LCLAT1: variants seen among roughly 807,000 people sequenced by gnomAD.
LCLAT1 encodes the protein 1-AGP acyltransferase 8.
In LCLAT1, 11 loss-of-function variants were observed where a neutral mutation model predicts 30.7. That is an observed-to-expected ratio of 0.36 (90% confidence interval 0.23 to 0.59). LCLAT1 has a LOEUF of 0.59. Ranked by LOEUF, LCLAT1 falls within the 20% of genes least tolerant of loss-of-function variation. The pLI is 0.77. For missense variants in LCLAT1, 402 were observed against 458.6 expected, an observed-to-expected ratio of 0.88 and a Z score of 1.13; for synonymous variants, 155 against 151.3, an observed-to-expected ratio of 1.02 and a Z score of -0.18.
chr2:30,525,516 C>T, intron 1 of LCLAT1, 71 bp from the exon 2 acceptor site: 4 of 1,166,750 alleles, frequency 3.4e-6, no homozygotes, highest in Non-Finnish European at 5.1e-6. Context: ...TTCTATGCTC[C>T]ATCATCCTGA....
intron 5 of LCLAT1, among the ~76,000 whole-genome samples, chr2:30,603,771 G>A (rs1255925064): frequency 6.6e-6 from 1 of 152,094 alleles, no homozygotes. Flanking sequence ...ATCAGAGTAG[G>A]GACATGAAGG....
intron 5 of LCLAT1, among the ~76,000 whole-genome samples, chr2:30,613,504 G>A (rs999386878): frequency 4.6e-5 from 7 of 151,748 alleles, no homozygotes; most frequent in African/African-American, 1.7e-4. Context: ...ACACCTGTGG[G>A]TGTTTCTCGT....
At chr2:30,554,424 A>G (rs926390558) in intron 3 of LCLAT1, among the ~76,000 whole-genome samples, 2 of 152,244 alleles carry the variant, frequency 1.3e-5, no homozygotes, top group Non-Finnish European at 2.9e-5. Flanking sequence ...GAAAGATTCA[A>G]GTATCTATGC....
At chr2:30,620,692 C>G (rs1668203709) in intron 5 of LCLAT1, among the ~76,000 whole-genome samples, 3 of 152,192 alleles carry the variant, frequency 2.0e-5, no homozygotes, top group Admixed American at 2.0e-4. Flanking sequence ...AAAAGCAATC[C>G]TTGTCATTAG....
chr2:30,541,384 CCT>C (rs1367832011), intron 3 of LCLAT1, among the ~76,000 whole-genome samples: 3 of 151,734 alleles, frequency 2.0e-5, no homozygotes, highest in African/African-American at 7.3e-5. Context: ...AGAGTGTGAC[CCT>C]GTCTCTTAAA....
At chr2:30,480,282 G>C (rs952160695) in intron 1 of LCLAT1, among the ~76,000 whole-genome samples, 2 of 152,032 alleles carry the variant, frequency 1.3e-5, no homozygotes, top group African/African-American at 4.8e-5. Flanking sequence ...CTCGATCTTG[G>C]ATAGCTCAAG....
rs760622200 is a variant in LCLAT1, at chr2:30,461,770, C to CCTTTTTTTTTTTTTTTTTTTTT, written c.-5+14387_-5+14388insCTTTTTTTTTTTTTTTTTTTTT. On this transcript the variant is annotated intron_variant, in intron 1 of 5. Transcript: ENST00000379509. ...TGTGGACCACTTTTTCTAAATTAAA[C>CCTTTTTTTTTTTTTTTTTTTTT]TTTTTTTTTTTTTTTTTTGAGACGG... 7.7e-3 allele frequency among the ~76,000 whole-genome samples: 1,013 copies of CCTTTTTTTTTTTTTTTTTTTTT among 131,572 alleles called. 75 individuals are homozygous for CCTTTTTTTTTTTTTTTTTTTTT. Among genetic ancestry groups the CCTTTTTTTTTTTTTTTTTTTTT allele is most frequent in the East Asian group, 0.016 (71 of 4,316 alleles). 86.3% of individuals were successfully genotyped at this position (131,572 alleles called of 152,430 possible).
chr2:30,501,921 T>C (rs1322411886), intron 1 of LCLAT1, among the ~76,000 whole-genome samples: 1 of 152,272 alleles, frequency 6.6e-6, no homozygotes, highest in Non-Finnish European at 1.5e-5. Flanking sequence ...TAGTGGCTAA[T>C]GCTACCCTCA....
In LCLAT1 at chr2:30,533,131, A is replaced by G. The variant is rs1280724013; in HGVS notation, c.181A>G (p.Met61Val). ...GTTTTCTTAGGCATTATTGGAGACC[A>G]TGTTTGGTGTAAAAGTGATTATAAC... The part of the protein sequence containing the change: ...LTLPVALLET[M>V]FGVKVIITGD... Residue 61 changes from methionine to valine, a missense_variant, in exon 3 of 6, where the codon ATG (methionine) becomes GTG (valine). By Grantham distance (21) the Met-to-Val change is conservative (BLOSUM62 1). Coordinates refer to ENST00000379509, the MANE Select transcript of LCLAT1 (RefSeq NM_001002257.3). The G allele has an allele frequency of 3.7e-6, 6 of 1,613,096 alleles. No individual in the cohort carries two copies. Among genetic ancestry groups the G allele is most frequent in the South Asian group, 3.3e-5 (3 of 91,070 alleles).
At chr2:30,604,696 C>T (rs1019888842) in intron 5 of LCLAT1, among the ~76,000 whole-genome samples, 1 of 146,666 alleles carries the variant, frequency 6.8e-6, no homozygotes, top group African/African-American at 2.5e-5. Flanking sequence ...AAACATCATT[C>T]GTAGCTCTCA....
chr2:30,577,196 A>G (rs913903384), intron 5 of LCLAT1, among the ~76,000 whole-genome samples: 4 of 152,082 alleles, frequency 2.6e-5, no homozygotes, highest in African/African-American at 7.2e-5. Flanking sequence ...TCACCTTGTC[A>G]TAGAATCTGG....
At chr2:30,449,530 C>T (rs1475536766) in intron 1 of LCLAT1, among the ~76,000 whole-genome samples, 7 of 143,672 alleles carry the variant, frequency 4.9e-5, no homozygotes, top group South Asian at 2.2e-4. Flanking sequence ...GAGGGAGGTT[C>T]GCTCTTGTTG....
At chr2:30,639,488 T>C (rs531030659) in intron 5 of LCLAT1, among the ~76,000 whole-genome samples, 1 of 152,186 alleles carries the variant, frequency 6.6e-6, no homozygotes, top group Non-Finnish European at 1.5e-5. Flanking sequence ...TTTTTAAAGA[T>C]GGAGTCTCAC....
chr2:30,541,677 A>G (rs1572598990), intron 3 of LCLAT1, among the ~76,000 whole-genome samples: 1 of 152,332 alleles, frequency 6.6e-6, no homozygotes, highest in East Asian at 1.9e-4. Context: ...CTTACATTCA[A>G]TAAAATTAAC....
intron 1 of LCLAT1, among the ~76,000 whole-genome samples, chr2:30,497,375 T>G (rs940059954): frequency 2.6e-5 from 4 of 152,222 alleles, no homozygotes; most frequent in Non-Finnish European, 5.9e-5. Context: ...AATTGCTTTT[T>G]TATCAGGATT....
chr2:30,550,629 A>C (rs1191068946), intron 3 of LCLAT1, among the ~76,000 whole-genome samples: 1 of 152,190 alleles, frequency 6.6e-6, no homozygotes, highest in Non-Finnish European at 1.5e-5. Context: ...AACATGGCTT[A>C]TCACTGGTGA....
intron 3 of LCLAT1, among the ~76,000 whole-genome samples, chr2:30,537,349 C>T (rs568217719): frequency 1.3e-5 from 2 of 151,368 alleles, no homozygotes; most frequent in Non-Finnish European, 2.9e-5. Flanking sequence ...CCACTGCAGT[C>T]CGCAGTCCGG....
At chr2:30,523,264 TA>T (rs1685561656) in intron 1 of LCLAT1, among the ~76,000 whole-genome samples, 1 of 91,644 alleles carries the variant, frequency 1.1e-5, no homozygotes, top group Non-Finnish European at 2.1e-5. Flanking sequence ...AAGATGTTCG[TA>T]GGTTTTTTTT....
chr2:30,481,960 A>T (rs1002011244), intron 1 of LCLAT1, among the ~76,000 whole-genome samples: 33 of 152,328 alleles, frequency 2.2e-4, no homozygotes, highest in African/African-American at 7.5e-4. Flanking sequence ...AATTTGAGAG[A>T]TTCTGAATTT....
Sources: gnomAD v4.1 joint callset for allele counts (sites outside exome capture counted in the v4.1 genomes callset) on GRCh38, gnomAD v4.1.1 for gene constraint, MANE v1.5 for transcripts, NCBI Gene and HGNC (gene_info 2026-07-23, HGNC 2026-07-21) for gene names.